Variants in AGBL1 observed in about 807,000 individuals in gnomAD.
The protein encoded by AGBL1 is cytosolic carboxypeptidase 4.
AGBL1 carries 130 observed loss-of-function variants against 118.9 expected under a neutral mutation model. The observed-to-expected ratio is 1.09, with a 90% CI of 0.95 to 1.26. The LOEUF is 1.26. Ranked by LOEUF, AGBL1 falls within the 50% of genes most tolerant of loss-of-function variation. AGBL1 has a pLI of 0.00. For synonymous variants in AGBL1, 555 were observed against 478.9 expected (o/e 1.16, Z -2.08); for missense variants, 1,584 against 1,298.1 (o/e 1.22, Z -3.38).
At chr15:86,465,861 G>A (rs2142093534) in intron 18 of AGBL1, among the ~76,000 whole-genome samples, 2 of 152,220 alleles carry the variant, frequency 1.3e-5, no homozygotes, top group East Asian at 3.9e-4. Context: ...ATCTCACTCT[G>A]CCTCTCTGCC....
chr15:86,091,622 C>A (rs567307068), intron 1 of AGBL1, among the ~76,000 whole-genome samples: 1 of 152,166 alleles, frequency 6.6e-6, no homozygotes, highest in Non-Finnish European at 1.5e-5. Context: ...ACACTTTTCC[C>A]AGATAGATAT....
At chr15:86,292,136 A>T (rs556202804) in intron 16 of AGBL1, among the ~76,000 whole-genome samples, 1 of 152,296 alleles carries the variant, frequency 6.6e-6, no homozygotes, top group Admixed American at 6.5e-5. Context: ...TTTACATGGT[A>T]AGGGGACTTT....
intron 11 of AGBL1, 145 bp downstream of exon 11, chr15:86,264,983 A>G: frequency 1.2e-6 from 1 of 811,150 alleles, no homozygotes; most frequent in Non-Finnish European, 1.8e-6. Flanking sequence ...AAACTGGCCA[A>G]ACACACAAAC....
At chr15:86,131,949 A>G (rs905842639) in intron 1 of AGBL1, among the ~76,000 whole-genome samples, 15 of 83,822 alleles carry the variant, frequency 1.8e-4, no homozygotes, top group South Asian at 4.2e-4. Flanking sequence ...CCATGTCTCG[A>G]AAAAAAAAAA....
At chr15:86,766,096 C>A (rs897679530) in intron 22 of AGBL1, among the ~76,000 whole-genome samples, 1 of 151,930 alleles carries the variant, frequency 6.6e-6, no homozygotes, top group Non-Finnish European at 1.5e-5. Flanking sequence ...TCAACTCTCA[C>A]AACAGCCCAG....
intron 19 of AGBL1, among the ~76,000 whole-genome samples, chr15:86,526,978 C>T (rs993594841): frequency 1.8e-5 from 2 of 112,482 alleles, no homozygotes; most frequent in African/African-American, 7.1e-5. Context: ...CCAAAAACTA[C>T]TAAAGCTATT....
intron 18 of AGBL1, among the ~76,000 whole-genome samples, chr15:86,513,127 A>T (rs899921045): frequency 1.3e-5 from 2 of 152,018 alleles, no homozygotes. Flanking sequence ...AGTATTAATT[A>T]CATACATTAT....
intron 22 of AGBL1, among the ~76,000 whole-genome samples, chr15:86,890,971 T>C (rs901956037): frequency 6.6e-6 from 1 of 152,210 alleles, no homozygotes; most frequent in Non-Finnish European, 1.5e-5. Flanking sequence ...GCATTGAATC[T>C]ATAAATTATT....
At chr15:86,750,284 A>C (rs1172463913) in intron 22 of AGBL1, among the ~76,000 whole-genome samples, 1 of 152,106 alleles carries the variant, frequency 6.6e-6, no homozygotes, top group Non-Finnish European at 1.5e-5. Context: ...TTTAAAAATT[A>C]ACACATAGTA....
intron 17 of AGBL1, among the ~76,000 whole-genome samples, chr15:86,326,485 C>T (rs2080185855): frequency 6.6e-6 from 1 of 152,070 alleles, no homozygotes; most frequent in Non-Finnish European, 1.5e-5. Context: ...ACAAGGCCAA[C>T]CAAGGTGAGG....
chr15:86,777,362 A>G (rs2078272216), intron 22 of AGBL1, among the ~76,000 whole-genome samples: 1 of 152,020 alleles, frequency 6.6e-6, no homozygotes, highest in African/African-American at 2.4e-5. Flanking sequence ...TATTACTCAT[A>G]TAAATTCATA....
intron 17 of AGBL1, among the ~76,000 whole-genome samples, chr15:86,321,358 A>G (rs2080102115): frequency 6.6e-6 from 1 of 152,082 alleles, no homozygotes; most frequent in Non-Finnish European, 1.5e-5. Context: ...TAATGTTTCT[A>G]TTTAATCTGA....
At chr15:86,670,099 T>C (rs2085714663) in intron 21 of AGBL1, among the ~76,000 whole-genome samples, 1 of 152,194 alleles carries the variant, frequency 6.6e-6, no homozygotes, top group South Asian at 2.1e-4. Flanking sequence ...AAATTTGGAT[T>C]ATTATATATA....
At chr15:86,958,729 T>G (rs1231149940) in intron 23 of AGBL1, among the ~76,000 whole-genome samples, 3 of 152,300 alleles carry the variant, frequency 2.0e-5, no homozygotes, top group East Asian at 3.9e-4. Context: ...TTCAAAGGGA[T>G]AGTTCAGAAG....
At chr15:86,819,250 GGTA>G (rs1345445892) in intron 22 of AGBL1, among the ~76,000 whole-genome samples, 1 of 152,020 alleles carries the variant, frequency 6.6e-6, no homozygotes, top group Non-Finnish European at 1.5e-5. Flanking sequence ...GTAGTAGGTT[GGTA>G]GTAGTACTAA....
At chr15:86,450,735 A>G (rs886305997) in intron 18 of AGBL1, among the ~76,000 whole-genome samples, 1 of 152,236 alleles carries the variant, frequency 6.6e-6, no homozygotes, top group Non-Finnish European at 1.5e-5. Context: ...AGCCTCATCT[A>G]TAAAATGCAG....
chr15:86,744,571 G>A (rs1251832353), intron 22 of AGBL1, among the ~76,000 whole-genome samples: 1 of 152,066 alleles, frequency 6.6e-6, no homozygotes, highest in Non-Finnish European at 1.5e-5. Flanking sequence ...AAAGCAAAGG[G>A]CAGAGGCACC....
At chr15:86,316,252 A>G (rs1453988615) in intron 17 of AGBL1, among the ~76,000 whole-genome samples, 1 of 152,204 alleles carries the variant, frequency 6.6e-6, no homozygotes, top group Non-Finnish European at 1.5e-5. Flanking sequence ...CCGAGTTGAA[A>G]TAAATCCCAA....
chr15:86,852,836 C>G (rs1391962746), intron 22 of AGBL1, among the ~76,000 whole-genome samples: 2 of 152,132 alleles, frequency 1.3e-5, no homozygotes, highest in African/African-American at 2.4e-5. Flanking sequence ...GAAGCAGTGG[C>G]TCTCAGGCCT....
Sources: allele counts gnomAD v4.1 joint callset (sites outside exome capture counted in the v4.1 genomes callset), GRCh38; gene constraint gnomAD v4.1.1; transcripts MANE v1.5; gene names NCBI Gene and HGNC (gene_info 2026-07-23, HGNC 2026-07-21).